SHTN1: variants seen among roughly 807,000 people sequenced by gnomAD.
The protein encoded by SHTN1 is shootin-1.
SHTN1 carries 42 observed loss-of-function variants against 83.1 expected under a neutral mutation model. The ratio of observed to expected loss-of-function variants is 0.51; its 90% CI spans 0.39 to 0.65. SHTN1 has a LOEUF of 0.65. Ranked by LOEUF, SHTN1 falls within the 30% of genes least tolerant of loss-of-function variation. The pLI is 0.00. For synonymous variants in SHTN1, 224 were observed against 247.7 expected (o/e 0.90, Z 0.90); for missense variants, 622 against 737.8 (o/e 0.84, Z 1.82).
chr10:116,947,317 G>C (rs1021128102), intron 7 of SHTN1, among the ~76,000 whole-genome samples: 3 of 152,122 alleles, frequency 2.0e-5, no homozygotes, highest in African/African-American at 4.8e-5. Context: ...CCTCCACCCT[G>C]AGCTGAGTCA....
intron 1 of SHTN1, among the ~76,000 whole-genome samples, chr10:116,998,088 T>C (rs1325789624): frequency 2.6e-5 from 4 of 151,756 alleles, no homozygotes; most frequent in Admixed American, 2.0e-4. Flanking sequence ...CGAGACTCTG[T>C]CTCAAAAAAA....
At chr10:116,961,193 A>C (rs906557573) in intron 3 of SHTN1, among the ~76,000 whole-genome samples, 12 of 152,214 alleles carry the variant, frequency 7.9e-5, no homozygotes, top group African/African-American at 2.9e-4. Flanking sequence ...GGCTCACATA[A>C]CACAAAGAGA....
intron 1 of SHTN1, among the ~76,000 whole-genome samples, chr10:116,991,501 AAGC>A (rs957864121): frequency 6.6e-6 from 1 of 152,184 alleles, no homozygotes; most frequent in Non-Finnish European, 1.5e-5. Context: ...TGAGAGAGGA[AAGC>A]AGGAGAGAAG....
At chr10:116,991,047 G>A (rs895058623) in intron 1 of SHTN1, among the ~76,000 whole-genome samples, 7 of 152,026 alleles carry the variant, frequency 4.6e-5, no homozygotes, top group Admixed American at 6.5e-5. Context: ...TTAGCCAGGC[G>A]CGGTGGTGGG....
intron 1 of SHTN1, among the ~76,000 whole-genome samples, chr10:117,093,361 C>A (rs1368705867): frequency 6.6e-6 from 1 of 151,846 alleles, no homozygotes; most frequent in Admixed American, 6.6e-5. Context: ...ACCAACCCTG[C>A]AAGGCATTAT....
At chr10:117,108,935 T>C (rs1564962126) in intron 1 of SHTN1, among the ~76,000 whole-genome samples, 1 of 152,110 alleles carries the variant, frequency 6.6e-6, no homozygotes, top group Non-Finnish European at 1.5e-5. Context: ...TTCTCACATG[T>C]AAAGTGGTGA....
At chr10:116,896,686 T>TA (rs1847532713) in intron 16 of SHTN1, among the ~76,000 whole-genome samples, 1 of 152,142 alleles carries the variant, frequency 6.6e-6, no homozygotes, top group African/African-American at 2.4e-5. Context: ...ACTATTCTCT[T>TA]AGAGGACCAG....
At chr10:116,940,159 A>T (rs952894119) in intron 9 of SHTN1, among the ~76,000 whole-genome samples, 5 of 152,194 alleles carry the variant, frequency 3.3e-5, no homozygotes, top group South Asian at 4.1e-4. Flanking sequence ...CCAAAAATTG[A>T]ATTTCCAGAC....
chr10:117,049,643 C>A (rs1852713914), intron 1 of SHTN1, among the ~76,000 whole-genome samples: 1 of 152,108 alleles, frequency 6.6e-6, no homozygotes, highest in South Asian at 2.1e-4. Flanking sequence ...AAGGAATGAA[C>A]AGATAGTCTA....
intron 1 of SHTN1, among the ~76,000 whole-genome samples, chr10:117,084,426 C>T (rs1469050867): frequency 6.6e-6 from 1 of 152,164 alleles, no homozygotes; most frequent in Admixed American, 6.5e-5. Flanking sequence ...CTGGGAGAAC[C>T]ACTGCTCTCT....
chr10:116,902,979 G>A (rs569059996), intron 15 of SHTN1, among the ~76,000 whole-genome samples: 71 of 152,256 alleles, frequency 4.7e-4, no homozygotes, highest in African/African-American at 1.7e-3. Flanking sequence ...TAATGTGCCT[G>A]ATATACTCAG....
intron 2 of SHTN1, among the ~76,000 whole-genome samples, chr10:117,042,307 T>C (rs1439037198): frequency 1.3e-5 from 2 of 151,610 alleles, no homozygotes; most frequent in East Asian, 3.8e-4. Context: ...TCCAACTGAA[T>C]GTCTGTGGTG....
chr10:117,087,786 T>C, intron 1 of SHTN1, among the ~76,000 whole-genome samples: 1 of 152,168 alleles, frequency 6.6e-6, no homozygotes, highest in East Asian at 1.9e-4. Context: ...AGAATATTTT[T>C]TGCAATGTAT....
At chr10:117,070,812 T>C (rs1853069312) in intron 1 of SHTN1, among the ~76,000 whole-genome samples, 1 of 151,672 alleles carries the variant, frequency 6.6e-6, no homozygotes, top group Non-Finnish European at 1.5e-5. Context: ...TTCTTTTTCT[T>C]TTCCTAAAAG....
intron 1 of SHTN1, among the ~76,000 whole-genome samples, chr10:117,110,923 G>A (rs1853758155): frequency 6.6e-6 from 1 of 152,170 alleles, no homozygotes; most frequent in South Asian, 2.1e-4. Flanking sequence ...GTGGCTGGGT[G>A]TAATGGCTCA....
At chr10:117,058,858 A>C (rs1010977922) in intron 1 of SHTN1, among the ~76,000 whole-genome samples, 7 of 152,244 alleles carry the variant, frequency 4.6e-5, no homozygotes, top group African/African-American at 1.7e-4. Flanking sequence ...ATAAAACTTG[A>C]GGGCATTAGG....
intron 9 of SHTN1, among the ~76,000 whole-genome samples, chr10:116,937,955 G>A (rs7079724): frequency 0.6 from 90,939 of 150,462 alleles, 30,063 homozygotes; most frequent in Middle Eastern, 0.76. Flanking sequence ...TGATCGATTC[G>A]GCTATTGATA....
chr10:117,022,998 A>G (rs1477195330), intron 2 of SHTN1, among the ~76,000 whole-genome samples: 1 of 152,240 alleles, frequency 6.6e-6, no homozygotes, highest in African/African-American at 2.4e-5. Flanking sequence ...TTTTACTGAC[A>G]TCAGAAAGTT....
intron 1 of SHTN1, among the ~76,000 whole-genome samples, chr10:117,053,298 A>G (rs1196643712): frequency 1.3e-5 from 2 of 151,998 alleles, no homozygotes; most frequent in Non-Finnish European, 1.5e-5. Flanking sequence ...TTGTGCTTCA[A>G]AGGACACTAT....
Sources: gnomAD v4.1 joint callset for allele counts (sites outside exome capture counted in the v4.1 genomes callset) on GRCh38, gnomAD v4.1.1 for gene constraint, MANE v1.5 for transcripts, NCBI Gene and HGNC (gene_info 2026-07-23, HGNC 2026-07-21) for gene names.